The following RBMS3 variants were observed in gnomAD, a reference collection of about 807,000 sequenced individuals.
RBMS3 encodes RNA-binding motif, single-stranded-interacting protein 3.
RBMS3 carries 27 observed loss-of-function variants against 66.8 expected under a neutral mutation model. The observed-to-expected ratio is 0.40, with a 90% CI of 0.30 to 0.56. The LOEUF is 0.56. RBMS3 is among the 20% of genes least tolerant of loss of function. The probability of loss-of-function intolerance (pLI) is 0.40; values close to 1 mark genes in which losing one functional copy is unlikely to be tolerated. For synonymous variants in RBMS3, 188 were observed against 183.0 expected, an observed-to-expected ratio of 1.03 and a Z score of -0.22; for missense variants, 513 against 549.5, an observed-to-expected ratio of 0.93 and a Z score of 0.66.
chr3:29,872,599 G>A (rs1243078015), intron 7 of RBMS3, among the ~76,000 whole-genome samples: 2 of 152,160 alleles, frequency 1.3e-5, no homozygotes, highest in Non-Finnish European at 2.9e-5. Flanking sequence ...CCATATACTA[G>A]AAGGACCATG....
At chr3:29,454,536 G>T (rs752606496) in intron 2 of RBMS3, among the ~76,000 whole-genome samples, 1 of 152,102 alleles carries the variant, frequency 6.6e-6, no homozygotes, top group East Asian at 1.9e-4. Context: ...TCTAATCCGC[G>T]TCACCACCCA....
intron 4 of RBMS3, among the ~76,000 whole-genome samples, chr3:29,609,824 T>A (rs2048435053): frequency 6.6e-6 from 1 of 152,054 alleles, no homozygotes; most frequent in Admixed American, 6.6e-5. Context: ...AGTGTCAGGA[T>A]GTGCAGAGCT....
At chr3:29,794,235 C>T (rs1411732104) in intron 6 of RBMS3, among the ~76,000 whole-genome samples, 1 of 152,158 alleles carries the variant, frequency 6.6e-6, no homozygotes, top group Non-Finnish European at 1.5e-5. Flanking sequence ...ATGGACTGTT[C>T]CTACTGAGGC....
intron 12 of RBMS3, among the ~76,000 whole-genome samples, chr3:29,974,182 A>C (rs1288179053): frequency 1.3e-5 from 2 of 151,944 alleles, no homozygotes; most frequent in Non-Finnish European, 2.9e-5. Context: ...CTTATTACAT[A>C]ACCCTGGTCC....
At chr3:29,989,098 C>A (rs1698643112) in intron 13 of RBMS3, among the ~76,000 whole-genome samples, 1 of 152,134 alleles carries the variant, frequency 6.6e-6, no homozygotes, top group Admixed American at 6.5e-5. Flanking sequence ...AGGCCATGAA[C>A]CTGCACAGGT....
rs548031550 is a variant in RBMS3 at position 29,431,301 on chromosome 3, C to CTTTTTTTTTT, written c.76-3439_76-3430dup. Among the ~76,000 whole-genome samples the CTTTTTTTTTT allele has an allele frequency of 3.0e-5, 4 of 132,390 alleles. 1 individual carries two copies. Among genetic ancestry groups the CTTTTTTTTTT allele is most frequent in the African/African-American group, 1.1e-4 (4 of 35,036 alleles). The allele number at this position is 132,390 out of a possible 152,430, so 86.9% of individuals were successfully genotyped here. The stretch of plus-strand genomic sequence containing the variant: ...TGTTTCTTTCTTTCTTTTTCCTTTT[C>CTTTTTTTTTT]TTTTTTTTTTTTGACAGAGTCTCAC... On this transcript the variant is annotated intron_variant, in intron 1 of 14. Coordinates refer to ENST00000383767, the MANE Select transcript of RBMS3 (RefSeq NM_001003793.3).
At chr3:29,741,515 C>T (rs1356840384) in intron 5 of RBMS3, among the ~76,000 whole-genome samples, 1 of 152,158 alleles carries the variant, frequency 6.6e-6, no homozygotes, top group Non-Finnish European at 1.5e-5. Context: ...TTCCCCCATC[C>T]CTTGCCCTCC....
Position 29,556,808 on chromosome 3 carries a change from A to G in RBMS3, c.308-30306A>G, listed in dbSNP as rs540568778. Among the ~76,000 whole-genome samples the G allele has an allele frequency of 2.6e-4, 40 of 152,212 alleles. 1 individual carries two copies. The South Asian group carries it at 7.9e-3, about 30-fold the overall frequency. ...ACTGGAGCTGCTTTGCCTGCAGACA[A>G]ACAGAGCCAAGAGCCTCTAGAAGTC... On this transcript the variant is annotated intron_variant, in intron 3 of 14. Transcript: ENST00000383767.
In RBMS3 at chr3:29,922,180, G is replaced by A. The variant is rs114166866; in HGVS notation, c.940-13906G>A. 2.5e-3 allele frequency among the ~76,000 whole-genome samples: 381 copies of A among 152,258 alleles called. 1 individual carries two copies. The highest frequency in any genetic ancestry group is 8.7e-3 in the African/African-American group (360 of 41,544). On this transcript the variant is annotated intron_variant, in intron 10 of 14. Coordinates refer to ENST00000383767, the MANE Select transcript of RBMS3 (RefSeq NM_001003793.3). ...TTATTTAACTGTAATTTATCTCTCA[G>A]TTATTTCACAGCAAGATATAACAGA...
At chr3:29,338,230 A>G (rs2036067344) in intron 1 of RBMS3, among the ~76,000 whole-genome samples, 1 of 152,190 alleles carries the variant, frequency 6.6e-6, no homozygotes, top group Non-Finnish European at 1.5e-5. Context: ...TGCCAGTTAT[A>G]AAGTATCAAT....
intron 4 of RBMS3, among the ~76,000 whole-genome samples, chr3:29,658,971 A>T (rs1350632014): frequency 6.6e-6 from 1 of 152,004 alleles, no homozygotes; most frequent in Non-Finnish European, 1.5e-5. Context: ...TACAGGCACG[A>T]GCCACCACAC....
intron 3 of RBMS3, among the ~76,000 whole-genome samples, chr3:29,538,475 A>ATTTGTATATCC (rs1255587862): frequency 6.6e-6 from 1 of 152,234 alleles, no homozygotes; most frequent in Non-Finnish European, 1.5e-5. Flanking sequence ...CGTTATCCTT[A>ATTTGTATATCC]TTATAACTGA....
chr3:29,536,914 T>G (rs967492066), intron 3 of RBMS3, among the ~76,000 whole-genome samples: 3 of 152,186 alleles, frequency 2.0e-5, no homozygotes, highest in African/African-American at 4.8e-5. Flanking sequence ...CAGAGGTGCG[T>G]TTTAGAATGG....
intron 4 of RBMS3, among the ~76,000 whole-genome samples, chr3:29,700,872 T>TG: frequency 7.6e-6 from 1 of 130,956 alleles, no homozygotes; most frequent in Non-Finnish European, 1.7e-5. Flanking sequence ...GTGTGTGTGT[T>TG]CGTGTGCATG....
rs527438689 is a variant in RBMS3, at chr3:29,867,163, T to C, written c.638-1695T>C. The stretch of plus-strand genomic sequence containing the variant: ...TGTACTCTTTTTCCACTGTTGATTT[T>C]GGAAACAATTTTGAAATTCTCATTA... On this transcript the variant is annotated intron_variant, in intron 6 of 14. Transcript: ENST00000383767. Among the ~76,000 whole-genome samples the C allele has an allele frequency of 5.9e-5, 9 of 152,250 alleles. No homozygotes were observed. The East Asian group carries it at 1.7e-3, about 29-fold the overall frequency.
rs138407126 is a variant in RBMS3, at chr3:29,469,664, C to CATATATAT, written c.249-18769_249-18762dup. 7.8e-3 allele frequency among the ~76,000 whole-genome samples: 1,157 copies of CATATATAT among 148,316 alleles called. 11 individuals carry two copies. The highest frequency in any genetic ancestry group is 0.023 in the African/African-American group (929 of 40,642). Reference sequence around the variant, plus strand: ...ACAACTAACATGGGAAAAACTAAACCATATATATATATATACATACGTATA... The same window carrying CATATATAT: ...ACAACTAACATGGGAAAAACTAAACCATATATATATATATATATATATACATACGTATA... On this transcript the variant is annotated intron_variant, in intron 2 of 14. Coordinates refer to ENST00000383767, the MANE Select transcript of RBMS3 (RefSeq NM_001003793.3).
chr3:29,459,818 G>T (rs1418194346), intron 2 of RBMS3, among the ~76,000 whole-genome samples: 2 of 152,150 alleles, frequency 1.3e-5, no homozygotes, highest in South Asian at 4.1e-4. Flanking sequence ...ATTTAGAGCC[G>T]CAATTTGCTA....
intron 3 of RBMS3, among the ~76,000 whole-genome samples, chr3:29,567,119 G>A (rs954993152): frequency 2.6e-5 from 4 of 151,920 alleles, no homozygotes; most frequent in Non-Finnish European, 5.9e-5. Flanking sequence ...TTCTTCATTG[G>A]GTTTGCATAT....
intron 4 of RBMS3, chr3:29,698,125 T>C: frequency 7.3e-6 from 6 of 825,042 alleles, no homozygotes; most frequent in Non-Finnish European, 8.8e-6. Flanking sequence ...GGGACAGGCT[T>C]GTGGCTGTGC....
Sources: gnomAD v4.1 joint callset for allele counts (sites outside exome capture counted in the v4.1 genomes callset) on GRCh38, gnomAD v4.1.1 for gene constraint, MANE v1.5 for transcripts, NCBI Gene and HGNC (gene_info 2026-07-23, HGNC 2026-07-21) for gene names.